Variants in CENPF observed in about 807,000 individuals in gnomAD.
The protein encoded by CENPF is AH antigen.
Under a neutral mutation model 307.3 loss-of-function variants are expected in CENPF, and 214 were observed. The observed-to-expected ratio is 0.70, with a 90% CI of 0.62 to 0.78. The LOEUF is 0.78. Among genes scored for constraint, CENPF ranks in the 30% least tolerant of loss-of-function variants. The pLI, the probability that CENPF is intolerant of heterozygous loss-of-function variation, is 0.00. For synonymous variants in CENPF, 1,259 were observed against 1,270.6 expected (o/e 0.99, Z 0.19); for missense variants, 3,401 against 3,483.9 (o/e 0.98, Z 0.60).
chr1:214,659,110 C>G lies in CENPF; in HGVS notation c.9141+82C>G. 1 of 1,455,168 alleles carries G rather than the reference C, an allele frequency of 6.9e-7. No homozygotes were observed. Among genetic ancestry groups the G allele is most frequent in the Non-Finnish European group, 9.4e-7 (1 of 1,058,978 alleles). The allele number at this position is 1,455,168 out of a possible 1,614,324, so 90.1% of individuals were successfully genotyped here. A position where few individuals can be genotyped will look rare whatever the true frequency, so the allele number is the denominator to read the frequency against. On this transcript the variant is annotated intron_variant, in intron 19 of 19. Coordinates refer to ENST00000366955, the MANE Select transcript of CENPF (RefSeq NM_016343.4). The surrounding 1 kb of genome is among the most constrained non-coding windows in gnomAD (Gnocchi z 4.4). ...CTGGGTGAGGATTGGACACTGCACC[C>G]CCGATTCAGGAGCGCTTTCAAAAAG...
At chr1:214,632,369 T>C in intron 9 of CENPF, 111 bp from the exon 10 acceptor site, 1 of 1,209,616 alleles carries the variant, frequency 8.3e-7, no homozygotes, top group Non-Finnish European at 1.2e-6. Context: ...TCAGCCAAAA[T>C]AGATGGCATC....
At chr1:214,610,865 G>A (rs1214379660) in intron 1 of CENPF, among the ~76,000 whole-genome samples, 1 of 152,138 alleles carries the variant, frequency 6.6e-6, no homozygotes, top group Non-Finnish European at 1.5e-5. Flanking sequence ...TTTGTATATG[G>A]TGTAAGGAGG....
At chr1:214,612,534 G>T (rs1369911406) in intron 1 of CENPF, among the ~76,000 whole-genome samples, 2 of 152,114 alleles carry the variant, frequency 1.3e-5, no homozygotes, top group African/African-American at 2.4e-5. Context: ...GAAACCAGGG[G>T]TACAGACAAA....
rs763841653 is a variant in CENPF, at chr1:214,643,290, G to A, written c.4952G>A (p.Ser1651Asn). 4 of 1,518,206 alleles carry A rather than the reference G, an allele frequency of 2.6e-6. No individual in the cohort carries two copies. Among genetic ancestry groups the A allele is most frequent in the Admixed American group, 2.4e-5 (1 of 42,520 alleles). The allele number at this position is 1,518,206 out of a possible 1,614,324, so 94.0% of individuals were successfully genotyped here. ...CTCCAGCTACAAGGTCTGGACTTAA[G>A]TTCTCGGTCTTTGCTTGGCATCGAC... ...ARLQLQGLDL[S>N]SRSLLGIDTE... The change falls in exon 12 of 20, where the codon AGT (serine) becomes AAT (asparagine). Residue 1651 changes from serine to asparagine, a missense_variant. By Grantham distance (46) the Ser-to-Asn change is conservative (BLOSUM62 1). Coordinates refer to ENST00000366955, the MANE Select transcript of CENPF (RefSeq NM_016343.4).
In CENPF at chr1:214,642,485, C is replaced by A; in HGVS notation, c.4147C>A (p.Pro1383Thr). The change falls in exon 12 of 20, where the codon CCA becomes ACA. Residue 1383 changes from proline to threonine, a missense_variant. Pro to Thr is a conservative substitution (Grantham distance 38, BLOSUM62 -1). Transcript: ENST00000366955. ...TGAACAGCACCCTGTGTCTTTGGCT[C>A]CATTGGACGAGAGTAATTCCTACGA... ...PNEQHPVSLA[P>T]LDESNSYEHL... 1.2e-6 allele frequency: 2 copies of A among 1,608,554 alleles called. No homozygotes were observed. The highest frequency in any genetic ancestry group is 1.1e-5 in the South Asian group (1 of 90,014).
In CENPF at chr1:214,658,981, C is replaced by A. The variant is rs760815214; in HGVS notation, c.9094C>A (p.Leu3032Ile). 6 of 1,614,012 alleles carry A rather than the reference C, an allele frequency of 3.7e-6. No homozygotes were observed. Among genetic ancestry groups the A allele is most frequent in the Non-Finnish European group, 5.1e-6 (6 of 1,180,018 alleles). Residue 3032 changes from leucine to isoleucine, a missense_variant, in exon 19 of 20, where the codon CTT (leucine) becomes ATT (isoleucine). Coordinates refer to ENST00000366955, the MANE Select transcript of CENPF (RefSeq NM_016343.4). ...LSPLSLGKEN[L>I]AESSKPTAGG... ...CCCACTGAGTCTCGGCAAAGAAAAT[C>A]TTGCAGAGTCCTCCAAACCAACAGC...
At chr1:214,639,816 TGTTA>T (rs1658056163) in intron 11 of CENPF, 101 bp from the exon 12 acceptor site, 3 of 559,460 alleles carry the variant, frequency 5.4e-6, no homozygotes, top group East Asian at 3.6e-5. Flanking sequence ...CTTGAGTAGT[TGTTA>T]GTTTGTTTGG....
rs144108767 is a variant in CENPF, at chr1:214,641,742, T to C, written c.3404T>C (p.Leu1135Ser). ...GGTTTAAAGCAAGAAATCATGACTT[T>C]AAAGGAAGAACAAAACAAAATGCAA... ...AGGLKQEIMTLKEEQNKMQKE... is the reference protein window; with the variant it reads ...AGGLKQEIMTSKEEQNKMQKE... Residue 1135 changes from leucine to serine, a missense_variant, in exon 12 of 20, where the codon TTA becomes TCA. Transcript: ENST00000366955. 4.4e-6 allele frequency: 7 copies of C among 1,582,010 alleles called. No homozygotes were observed. The African/African-American group carries it at 6.9e-5, about 15-fold the overall frequency.
intron 1 of CENPF, among the ~76,000 whole-genome samples, chr1:214,606,531 T>C (rs2102522599): frequency 6.6e-6 from 1 of 152,298 alleles, no homozygotes; most frequent in Middle Eastern, 3.4e-3. Context: ...CCTGCAGCCC[T>C]TGCCCACCCC....
Position 214,622,114 on chromosome 1 carries a change from C to T in CENPF, c.901C>T (p.Leu301=), listed in dbSNP as rs759566794. 1.2e-6 allele frequency: 2 copies of T among 1,613,868 alleles called. No individual in the cohort carries two copies. The highest frequency in any genetic ancestry group is 1.7e-6 in the Non-Finnish European group (2 of 1,179,970). Residue 301 remains leucine, a synonymous_variant, in exon 7 of 20, where the codon CTG becomes TTG. Transcript: ENST00000366955. ...RNKINELELR[L]QGHEKEMKGQ... ...CAAGATTAATGAGTTGGAACTACGC[C>T]TGCAAGGACATGAAAAAGAAATGAA...
rs1291277802 is a variant in CENPF, at chr1:214,624,715, AT to A, written c.1068+2445del. Among the ~76,000 whole-genome samples the A allele has an allele frequency of 8.0e-3, 1,151 of 143,662 alleles. 15 individuals are homozygous for A. The highest frequency in any genetic ancestry group is 0.027 in the African/African-American group (1,043 of 39,346). 94.2% of individuals were successfully genotyped at this position (143,662 alleles called of 152,430 possible). A position where few individuals can be genotyped will look rare whatever the true frequency, so the allele number is the denominator to read the frequency against. The stretch of plus-strand genomic sequence containing the variant: ...AAATAATCAGCCCATTGGTTCATTG[AT>A]TTTTTTTTTTCTCTGTTTTCAATTT... On this transcript the variant is annotated intron_variant, in intron 7 of 19. Coordinates refer to ENST00000366955, the MANE Select transcript of CENPF (RefSeq NM_016343.4).
chr1:214,611,526 C>CAGCT (rs979119281), intron 1 of CENPF, among the ~76,000 whole-genome samples: 7 of 152,120 alleles, frequency 4.6e-5, no homozygotes, highest in African/African-American at 1.7e-4. Context: ...CCACCACACC[C>CAGCT]AGCTAATCTT....
At position 214,656,955 on chromosome 1, in the gene CENPF, C is replaced by G. The variant is rs768909316; in HGVS notation, c.8508C>G (p.Val2836=). The change falls in exon 18 of 20, where the codon GTC becomes GTG. Residue 2836 remains valine, a synonymous_variant. Transcript: ENST00000366955. ...QKTGTVMDTK[V]DELTTEIKEL... ...CAGGTACTGTTATGGATACCAAGGT[C>G]GATGAATTAACAACTGAGATCAAAG... 6.2e-7 allele frequency: 1 copy of G among 1,608,624 alleles called. No homozygotes were observed. The highest frequency in any genetic ancestry group is 1.7e-5 in the Admixed American group (1 of 59,388).
chr1:214,628,843 C>T (rs921613273), intron 7 of CENPF, among the ~76,000 whole-genome samples: 3 of 152,094 alleles, frequency 2.0e-5, no homozygotes, highest in African/African-American at 7.2e-5. Flanking sequence ...TTAGATGAAT[C>T]GTTAGACATG....
intron 15 of CENPF, among the ~76,000 whole-genome samples, 180 bp downstream of exon 15, chr1:214,652,066 TGA>T (rs1658478755): frequency 7.6e-6 from 1 of 132,050 alleles, no homozygotes; most frequent in African/African-American, 2.9e-5. Context: ...TTTTATCAGT[TGA>T]TTTTTTTTTT....
In CENPF at chr1:214,644,699, C is replaced by A. The variant is rs1658233134; in HGVS notation, c.5129C>A (p.Thr1710Asn). The A allele has an allele frequency of 6.2e-7, 1 of 1,613,832 alleles. No individual in the cohort carries two copies. Among genetic ancestry groups the A allele is most frequent in the South Asian group, 1.1e-5 (1 of 91,080 alleles). ...CTCAATCTAGACATTGAGAAAATAA[C>A]TGAGACTGGTGCAGTGAAACCCACA... ...QDLNLDIEKI[T>N]ETGAVKPTGE... Residue 1710 changes from threonine to asparagine, a missense_variant, in exon 13 of 20, where the codon ACT becomes AAT. Physicochemically the swap from Thr to Asn is moderately conservative, Grantham distance 65. Coordinates refer to ENST00000366955, the MANE Select transcript of CENPF (RefSeq NM_016343.4).
In CENPF at chr1:214,619,181, A is replaced by G. The variant is rs1240328405; in HGVS notation, c.534A>G (p.Arg178=). The G allele has an allele frequency of 6.3e-7, 1 of 1,588,988 alleles. No individual in the cohort carries two copies. The highest frequency in any genetic ancestry group is 8.6e-7 in the Non-Finnish European group (1 of 1,159,988). ...KEKYNKEVEE[R]KRLEAEVKAL... is the part of the protein sequence containing the mutation. ...AATATAATAAAGAGGTTGAAGAACG[A>G]AAAAGATTAGAGGCAGAGGTTAAAG... Residue 178 remains arginine (R), a synonymous_variant, in exon 5 of 20, where the codon CGA becomes CGG. Coordinates refer to ENST00000366955, the MANE Select transcript of CENPF (RefSeq NM_016343.4).
rs766737747 is a variant in CENPF, at chr1:214,645,337, G to A, written c.5767G>A (p.Ala1923Thr). Residue 1923 changes from alanine to threonine, a missense_variant, in exon 13 of 20, where the codon GCT becomes ACT. Physicochemically the swap from Ala to Thr is moderately conservative, Grantham distance 58. Transcript: ENST00000366955. ...SIEHEALYLE[A>T]DLEVVQTEKL... Reference sequence around the variant, plus strand: ...TGAGCATGAAGCCCTCTACCTGGAGGCTGACTTAGAGGTAGTTCAAACAGA... The same window carrying A: ...TGAGCATGAAGCCCTCTACCTGGAGACTGACTTAGAGGTAGTTCAAACAGA... 1.2e-6 allele frequency: 2 copies of A among 1,614,006 alleles called. No homozygotes were observed. The highest frequency in any genetic ancestry group is 2.7e-5 in the African/African-American group (2 of 74,916).
chr1:214,614,403 A>G (rs796897965), intron 2 of CENPF, among the ~76,000 whole-genome samples: 5 of 152,328 alleles, frequency 3.3e-5, no homozygotes, highest in African/African-American at 9.6e-5. Context: ...AAAACTAAAC[A>G]GTACTTTTTA....
Sources: gnomAD v4.1 joint callset for allele counts (sites outside exome capture counted in the v4.1 genomes callset) on GRCh38, gnomAD v4.1.1 for gene constraint, Gnocchi (gnomAD v3.1) non-coding constraint, MANE v1.5 for transcripts, NCBI Gene and HGNC (gene_info 2026-07-23, HGNC 2026-07-21) for gene names.